SOX5: variants seen among roughly 807,000 people sequenced by gnomAD.
SOX5 encodes SRY-box transcription factor 5.
In SOX5, 9 loss-of-function variants were observed where a neutral mutation model predicts 92.0. The ratio of observed to expected loss-of-function variants is 0.10; its 90% CI spans 0.06 to 0.17. The LOEUF (loss-of-function observed/expected upper bound fraction) is 0.17, where lower values mean the gene tolerates loss of function less well. Among genes scored for constraint, SOX5 ranks in the 10% least tolerant of loss-of-function variants. The pLI, the probability that SOX5 is intolerant of heterozygous loss-of-function variation, is 1.00. For missense variants in SOX5, 642 were observed against 944.5 expected (o/e 0.68, Z 4.20); for synonymous variants, 344 against 336.3 (o/e 1.02, Z -0.25).
rs1033182242 is a variant in SOX5, at chr12:23,864,674, A to C, written c.271-18481T>G. On this transcript the variant is annotated intron_variant, in intron 2 of 14. Coordinates refer to ENST00000451604, the MANE Select transcript of SOX5 (RefSeq NM_006940.6). ...CAAGGCCCTAACTCTCTTCAATTCC[A>C]TGAAGGCTGAGAGAGGTGAGGAAGC... Among the ~76,000 whole-genome samples, 3 of 152,322 alleles carry C rather than the reference A, an allele frequency of 2.0e-5. No homozygotes were observed. In the East Asian group the frequency reaches 5.8e-4, roughly 29 times the overall value.
Position 24,074,630 on chromosome 12 carries a change from C to CAAAAAAAAAAAAAA in SOX5, c.-2+138699_-2+138712dup, listed in dbSNP as rs76320418. On this transcript the variant is annotated intron_variant, in intron 4 of 4. Transcript: ENST00000446891. The stretch of plus-strand genomic sequence containing the variant: ...CTTAGTGTTTATTTCTGTAAACTAC[C>CAAAAAAAAAAAAAA]AAAAAAAAAAAAAAAAAAAAAAAGC... 7.1e-3 allele frequency among the ~76,000 whole-genome samples: 363 copies of CAAAAAAAAAAAAAA among 51,262 alleles called. 40 individuals are homozygous for CAAAAAAAAAAAAAA. Among genetic ancestry groups the CAAAAAAAAAAAAAA allele is most frequent in the Non-Finnish European group, 9.5e-3 (272 of 28,706 alleles). 33.6% of individuals were successfully genotyped at this position (51,262 alleles called of 152,430 possible).
intron 9 of SOX5, among the ~76,000 whole-genome samples, chr12:23,577,652 T>A (rs1401168046): frequency 6.7e-6 from 1 of 148,536 alleles, no homozygotes; most frequent in African/African-American, 2.5e-5. Flanking sequence ...AAAAAAAAAA[T>A]TGAAAATTCA....
At position 24,414,613 on chromosome 12, in the gene SOX5, G is replaced by A. The variant is rs375983155; in HGVS notation, c.-250-45974C>T. 1.7e-3 allele frequency among the ~76,000 whole-genome samples: 260 copies of A among 152,328 alleles called. 2 individuals are homozygous for A. The highest frequency in any genetic ancestry group is 2.4e-3 in the Non-Finnish European group (160 of 68,032). Reference sequence around the variant, plus strand: ...CCATCTGCCTGCCTCTCACCCAGAGGTGCCACATGTGATGACGGACAGGAA... The same window carrying A: ...CCATCTGCCTGCCTCTCACCCAGAGATGCCACATGTGATGACGGACAGGAA... On this transcript the variant is annotated intron_variant, in intron 1 of 4. Coordinates refer to the SOX5 transcript ENST00000446891.
rs574211107 is a variant in SOX5, at chr12:24,277,769, G to A, written c.-173-457C>T. Among the ~76,000 whole-genome samples, 169 of 151,994 alleles carry A rather than the reference G, an allele frequency of 1.1e-3. 1 individual carries two copies. Among genetic ancestry groups the A allele is most frequent in the Non-Finnish European group, 1.6e-3 (110 of 67,976 alleles). The stretch of plus-strand genomic sequence containing the variant: ...AAACTAAGGTAGATTCTTGCTGCTC[G>A]AAATGATTCATGAGACAGCTTCAGG... On this transcript the variant is annotated intron_variant, in intron 2 of 4. Transcript: ENST00000446891.
intron 1 of SOX5, among the ~76,000 whole-genome samples, chr12:24,434,449 C>T (rs1391086917): frequency 1.1e-4 from 16 of 152,142 alleles, no homozygotes; most frequent in East Asian, 1.9e-4. Flanking sequence ...CTCCTGTATA[C>T]GCTCTACAGT....
In SOX5 at chr12:23,550,938, C is replaced by A. The variant is rs544318756; in HGVS notation, c.1489-4514G>T. On this transcript the variant is annotated intron_variant, in intron 11 of 14. Coordinates refer to ENST00000451604, the MANE Select transcript of SOX5 (RefSeq NM_006940.6). ...TTACCTAATCCTAAATTAAACAGTG[C>A]GTGAGTAGATAAGTCATCTATTACT... Among the ~76,000 whole-genome samples, 9 of 152,050 alleles carry A rather than the reference C, an allele frequency of 5.9e-5. No individual in the cohort carries two copies. The South Asian group carries it at 1.9e-3, about 32-fold the overall frequency.
At chr12:23,785,330 C>T (rs2095359953) in intron 3 of SOX5, among the ~76,000 whole-genome samples, 1 of 152,140 alleles carries the variant, frequency 6.6e-6, no homozygotes, top group South Asian at 2.1e-4. Flanking sequence ...CTAATTTTTC[C>T]ATTTCCTTTG....
chr12:23,703,097 G>C (rs2090898159), intron 6 of SOX5, among the ~76,000 whole-genome samples: 1 of 152,038 alleles, frequency 6.6e-6, no homozygotes, highest in African/African-American at 2.4e-5. Flanking sequence ...AAGCCAGGCT[G>C]CACAGCTTGA....
chr12:24,081,074 T>G (rs1943272199), intron 4 of SOX5, among the ~76,000 whole-genome samples: 1 of 151,980 alleles, frequency 6.6e-6, no homozygotes, highest in Non-Finnish European at 1.5e-5. Flanking sequence ...CCAATGATGA[T>G]ATCAAGAGAA....
intron 4 of SOX5, among the ~76,000 whole-genome samples, chr12:24,132,164 G>C (rs553492141): frequency 5.0e-4 from 71 of 143,412 alleles, no homozygotes; most frequent in African/African-American, 1.8e-3. Flanking sequence ...GTGCCAAGTA[G>C]TCTGCTATGG....
intron 1 of SOX5, among the ~76,000 whole-genome samples, chr12:24,457,558 A>G (rs1488363714): frequency 6.6e-6 from 1 of 152,176 alleles, no homozygotes; most frequent in Non-Finnish European, 1.5e-5. Flanking sequence ...GCCTTTGGAT[A>G]ATTTCCCTTT....
At chr12:23,847,958 G>A (rs1025096982) in intron 2 of SOX5, among the ~76,000 whole-genome samples, 4 of 152,024 alleles carry the variant, frequency 2.6e-5, no homozygotes, top group African/African-American at 9.7e-5. Context: ...CCTAAAAAGA[G>A]CAATCACAAA....
intron 2 of SOX5, among the ~76,000 whole-genome samples, chr12:23,883,177 T>C (rs1444950941): frequency 6.8e-6 from 1 of 146,218 alleles, no homozygotes; most frequent in Non-Finnish European, 1.5e-5. Context: ...CGAGACTCCA[T>C]CTCAAAAAAA....
chr12:24,508,055 G>A (rs547617703), intron 1 of SOX5, among the ~76,000 whole-genome samples: 2 of 152,176 alleles, frequency 1.3e-5, no homozygotes, highest in Non-Finnish European at 2.9e-5. Flanking sequence ...AGGCAAGGTT[G>A]CACAAGGGAG....
chr12:24,545,518 T>A (rs11047490), intron 1 of SOX5, among the ~76,000 whole-genome samples: 3 of 151,608 alleles, frequency 2.0e-5, no homozygotes, highest in Admixed American at 6.6e-5. Flanking sequence ...AAAAAAAAAA[T>A]CGACAGATTT....
intron 2 of SOX5, among the ~76,000 whole-genome samples, chr12:23,893,315 G>C (rs185265342): frequency 2.6e-5 from 4 of 151,948 alleles, no homozygotes; most frequent in African/African-American, 9.7e-5. Flanking sequence ...GCTTGGTGGC[G>C]GGGGCCTGTA....
chr12:24,520,503 TA>T lies in SOX5; in HGVS notation c.-251+41825del, dbSNP rs11369294. Among the ~76,000 whole-genome samples the T allele has an allele frequency of 3.2e-3, 467 of 147,700 alleles. 3 individuals carry two copies. Among genetic ancestry groups the T allele is most frequent in the Non-Finnish European group, 4.9e-3 (331 of 66,922 alleles). On this transcript the variant is annotated intron_variant, in intron 1 of 4. Coordinates refer to the SOX5 transcript ENST00000446891. ...TAATAGACACATAAAAGATAAACAG[TA>T]AAAAAAAACAAAGCAAATATACACT...
At chr12:24,364,374 TC>T (rs1955919782) in intron 2 of SOX5, among the ~76,000 whole-genome samples, 1 of 151,856 alleles carries the variant, frequency 6.6e-6, no homozygotes, top group Non-Finnish European at 1.5e-5. Flanking sequence ...TTTGGATTTT[TC>T]TTACAGTATT....
At chr12:23,838,750 C>T (rs1202953542) in intron 3 of SOX5, among the ~76,000 whole-genome samples, 2 of 149,582 alleles carry the variant, frequency 1.3e-5, no homozygotes, top group Non-Finnish European at 3.0e-5. Context: ...ACATTTCCTG[C>T]TATGGACGCG....
Sources: gnomAD v4.1 joint callset for allele counts (sites outside exome capture counted in the v4.1 genomes callset) on GRCh38, gnomAD v4.1.1 for gene constraint, MANE v1.5 for transcripts, NCBI Gene and HGNC (gene_info 2026-07-23, HGNC 2026-07-21) for gene names.